The following DUSP22 variants were observed in gnomAD, a reference collection of about 807,000 sequenced individuals.
DUSP22 encodes the protein dual specificity phosphatase 22, also known as dual specificity protein phosphatase 22.
A neutral mutation model predicts 24.5 loss-of-function variants in DUSP22; 24 were observed. The observed-to-expected ratio is 0.98, with a 90% CI of 0.71 to 1.38. The LOEUF is 1.38. Ranked by LOEUF, DUSP22 falls within the 40% of genes most tolerant of loss-of-function variation. The probability of loss-of-function intolerance (pLI) is 0.00; values close to 1 mark genes in which losing one functional copy is unlikely to be tolerated. For synonymous variants in DUSP22, 160 were observed against 106.4 expected (o/e 1.50, Z -3.10); for missense variants, 330 against 269.2 (o/e 1.23, Z -1.58).
intron 3 of DUSP22, among the ~76,000 whole-genome samples, chr6:327,538 A>T (rs1053833485): frequency 1.3e-5 from 2 of 152,306 alleles, no homozygotes; most frequent in African/African-American, 2.4e-5. Context: ...CTGATAGATG[A>T]TGACCACAGC....
At chr6:294,696 A>G (rs891091808) in intron 1 of DUSP22, among the ~76,000 whole-genome samples, 5 of 152,282 alleles carry the variant, frequency 3.3e-5, no homozygotes, top group Non-Finnish European at 7.3e-5. Flanking sequence ...ATCACATCTC[A>G]TTTTGGACTA....
rs1417628053 is a variant in DUSP22 at position 323,281 on chromosome 6, A to T, written c.138+11319A>T. Among the ~76,000 whole-genome samples, 3 of 152,278 alleles carry T rather than the reference A, an allele frequency of 2.0e-5. No homozygotes were observed. In the East Asian group the frequency reaches 5.8e-4, roughly 29 times the overall value. Reference sequence around the variant, plus strand: ...GTGTGTGTTGAGGTGGACAGTATCAAACCCTAGGTTTGAATTGAGAAGTTA... The same window carrying T: ...GTGTGTGTTGAGGTGGACAGTATCATACCCTAGGTTTGAATTGAGAAGTTA... On this transcript the variant is annotated intron_variant, in intron 3 of 6. Transcript: ENST00000419235.
chr6:294,346 A>G (rs372992558), intron 1 of DUSP22, among the ~76,000 whole-genome samples: 2,005 of 75,058 alleles, frequency 0.027, 2 homozygotes, highest in African/African-American at 0.062. Context: ...GTGTTGTGCT[A>G]GTGGGTGGGG....
In DUSP22 at chr6:327,162, C is replaced by T. The variant is rs562340276; in HGVS notation, c.139-7952C>T. ...CAGCAGGAGCATTACTGAGAGGAAA[C>T]TAAGAGCTTCCAGGAGCCCAGCCAG... On this transcript the variant is annotated intron_variant, in intron 3 of 6. Transcript: ENST00000419235. 4.6e-5 allele frequency among the ~76,000 whole-genome samples: 7 copies of T among 152,430 alleles called. No individual in the cohort carries two copies. The East Asian group carries it at 1.3e-3, about 29-fold the overall frequency.
At chr6:332,613 CA>C (rs1359133423) in intron 3 of DUSP22, among the ~76,000 whole-genome samples, 2 of 151,902 alleles carry the variant, frequency 1.3e-5, no homozygotes, top group East Asian at 3.8e-4. Flanking sequence ...AGCTATTCAG[CA>C]GACCCTCTGT....
chr6:338,910 A>G (rs942966539), intron 4 of DUSP22, among the ~76,000 whole-genome samples: 35 of 152,290 alleles, frequency 2.3e-4, no homozygotes, highest in Non-Finnish European at 4.4e-4. Flanking sequence ...GACTGCCCGG[A>G]AAGGTCAGTT....
chr6:336,103 G>A (rs1759352103), intron 4 of DUSP22, among the ~76,000 whole-genome samples: 2 of 152,304 alleles, frequency 1.3e-5, no homozygotes, highest in South Asian at 2.1e-4. Flanking sequence ...ATCATGATGT[G>A]GAGTAGATTA....
chr6:345,712 G>A (rs1257760932), intron 4 of DUSP22, 142 bp from the exon 5 acceptor site: 22 of 975,406 alleles, frequency 2.3e-5, no homozygotes, highest in Non-Finnish European at 3.2e-5. Context: ...TCACACTGTA[G>A]CCCATAAATA....
At chr6:304,784 C>A in intron 2 of DUSP22, 123 bp downstream of exon 2, 3 of 1,364,782 alleles carry the variant, frequency 2.2e-6, no homozygotes, top group Non-Finnish European at 3.1e-6. Context: ...CAGCCATCAC[C>A]AACATCCTTC....
At chr6:304,710 A>G (rs768196303) in intron 2 of DUSP22, 49 bp downstream of exon 2, 38 of 1,611,010 alleles carry the variant, frequency 2.4e-5, no homozygotes, top group Non-Finnish European at 2.8e-5. Flanking sequence ...ATAACATAAA[A>G]TGTGTCATCT....
At chr6:344,418 C>T (rs558041680) in intron 4 of DUSP22, among the ~76,000 whole-genome samples, 11 of 152,382 alleles carry the variant, frequency 7.2e-5, no homozygotes, top group South Asian at 2.1e-4. Context: ...CCCAAGTACC[C>T]GGGACTACAG....
chr6:311,495 A>G (rs566644675), intron 2 of DUSP22, among the ~76,000 whole-genome samples: 3 of 152,408 alleles, frequency 2.0e-5, no homozygotes, highest in East Asian at 3.9e-4. Flanking sequence ...CCTGGCTAAC[A>G]CGGTGAAACC....
At chr6:293,644 G>T (rs1331894328) in intron 1 of DUSP22, among the ~76,000 whole-genome samples, 2 of 152,282 alleles carry the variant, frequency 1.3e-5, no homozygotes, top group Non-Finnish European at 2.9e-5. Context: ...TTGCAAATGC[G>T]GATTCACGGT....
At chr6:293,060 TC>T (rs1433705627) in intron 1 of DUSP22, among the ~76,000 whole-genome samples, 50 of 152,386 alleles carry the variant, frequency 3.3e-4, no homozygotes, top group Middle Eastern at 3.4e-3. Flanking sequence ...GTTAACAGAG[TC>T]CTAAGTCCTG....
At chr6:292,845 A>C (rs767390311) in intron 1 of DUSP22, among the ~76,000 whole-genome samples, 1 of 152,220 alleles carries the variant, frequency 6.6e-6, no homozygotes, top group Non-Finnish European at 1.5e-5. Flanking sequence ...AAGCGTTGAC[A>C]CTTGTTCTGC....
At chr6:298,643 A>C (rs1471861496) in intron 1 of DUSP22, among the ~76,000 whole-genome samples, 2 of 152,304 alleles carry the variant, frequency 1.3e-5, no homozygotes, top group Non-Finnish European at 2.9e-5. Flanking sequence ...GAGAATCTTT[A>C]GGGTGATTTC....
intron 1 of DUSP22, among the ~76,000 whole-genome samples, chr6:296,167 T>TAC (rs1483985068): frequency 1.3e-5 from 2 of 152,424 alleles, no homozygotes; most frequent in East Asian, 3.8e-4. Context: ...AGGGGGTAAT[T>TAC]ACAGGCAAGA....
rs771844446 is a variant in DUSP22 at position 348,794 on chromosome 6, A to G, written c.461A>G (p.Tyr154Cys). Residue 154 changes from tyrosine (Y) to cysteine (C), a missense_variant, in exon 7 of 7, where the codon TAT (tyrosine) becomes TGT (cysteine). Tyr to Cys is a radical substitution (Grantham distance 194). Transcript: ENST00000419235. ...TATCGGCAGTGGCTGAAGGAAGAAT[A>G]TGGAGAGAGCCCTTTGCAGGATGCA... is the stretch of plus-strand genomic sequence containing the variant. ...HQYRQWLKEE[Y>C]GESPLQDAEE... The G allele has an allele frequency of 3.1e-6, 5 of 1,614,178 alleles. No homozygotes were observed. The South Asian group carries it at 5.5e-5, about 18-fold the overall frequency.
At chr6:339,026 C>G (rs1002139745) in intron 4 of DUSP22, among the ~76,000 whole-genome samples, 2 of 152,306 alleles carry the variant, frequency 1.3e-5, no homozygotes, top group African/African-American at 4.8e-5. Context: ...AATTTCAGCT[C>G]AGTTCCCCAA....
Sources: allele counts gnomAD v4.1 joint callset (sites outside exome capture counted in the v4.1 genomes callset), GRCh38; gene constraint gnomAD v4.1.1; transcripts MANE v1.5; gene names NCBI Gene and HGNC (gene_info 2026-07-23, HGNC 2026-07-21).